TFAP2D: variants seen among roughly 807,000 people sequenced by gnomAD.
TFAP2D encodes transcription factor AP-2 delta.
TFAP2D carries 9 observed loss-of-function variants against 43.6 expected under a neutral mutation model. The ratio of observed to expected loss-of-function variants is 0.21; its 90% CI spans 0.12 to 0.36. The LOEUF (loss-of-function observed/expected upper bound fraction) is 0.36. Ranked by LOEUF, TFAP2D falls within the 10% of genes least tolerant of loss-of-function variation. The pLI, the probability that TFAP2D is intolerant of heterozygous loss-of-function variation, is 1.00. For missense variants in TFAP2D, 513 were observed against 561.4 expected, an observed-to-expected ratio of 0.91 and a Z score of 0.87; for synonymous variants, 256 against 224.9, an observed-to-expected ratio of 1.14 and a Z score of -1.24.
intron 7 of TFAP2D, among the ~76,000 whole-genome samples, chr6:50,753,284 T>C (rs1769223559): frequency 1.3e-5 from 2 of 151,962 alleles, no homozygotes. Flanking sequence ...TGCTGAGGCC[T>C]TCATCAGATA....
At chr6:50,760,288 A>G (rs1769345427) in intron 7 of TFAP2D, among the ~76,000 whole-genome samples, 1 of 152,004 alleles carries the variant, frequency 6.6e-6, no homozygotes, top group African/African-American at 2.4e-5. Context: ...GTTAGGCATT[A>G]TTTCTTGGTT....
chr6:50,736,778 A>G lies in TFAP2D; in HGVS notation c.883+7466A>G, dbSNP rs560119596. Among the ~76,000 whole-genome samples, 7 of 152,260 alleles carry G rather than the reference A, an allele frequency of 4.6e-5. No individual in the cohort carries two copies. In the South Asian group the frequency reaches 1.5e-3, roughly 32 times the overall value. Reference sequence around the variant, plus strand: ...TACTCATGGTGACTGTGCCACATAAAGACAAATATAGCCAAACCAATTTGC... The same window carrying G: ...TACTCATGGTGACTGTGCCACATAAGGACAAATATAGCCAAACCAATTTGC... On this transcript the variant is annotated intron_variant, in intron 5 of 7. Coordinates refer to ENST00000008391, the MANE Select transcript of TFAP2D (RefSeq NM_172238.4).
rs1372915571 is a variant in TFAP2D at position 50,715,631 on chromosome 6, G to A, written c.537+18G>A. 2 of 1,574,190 alleles carry A rather than the reference G, an allele frequency of 1.3e-6. No homozygotes were observed. Among genetic ancestry groups the A allele is most frequent in the Middle Eastern group, 1.7e-4 (1 of 5,896 alleles). Reference sequence around the variant, plus strand: ...ACTTGCAGGTAAATAAGCATGCAGCGAATTTGTCTGCTCCCTCCCCTCTTC... The same window carrying A: ...ACTTGCAGGTAAATAAGCATGCAGCAAATTTGTCTGCTCCCTCCCCTCTTC... On this transcript the variant is annotated intron_variant, in intron 2 of 7. Coordinates refer to ENST00000008391, the MANE Select transcript of TFAP2D (RefSeq NM_172238.4).
intron 3 of TFAP2D, among the ~76,000 whole-genome samples, chr6:50,720,413 A>G (rs1481814991): frequency 6.6e-6 from 1 of 151,214 alleles, no homozygotes; most frequent in Admixed American, 6.6e-5. Flanking sequence ...TTATTGTTTT[A>G]GTGGATGCTG....
At chr6:50,719,485 G>GAA (rs767978494) in intron 3 of TFAP2D, among the ~76,000 whole-genome samples, 1 of 138,078 alleles carries the variant, frequency 7.2e-6, no homozygotes, top group East Asian at 2.6e-4. Flanking sequence ...AAGAAAGAAA[G>GAA]AAAGAAAGAA....
Position 50,734,287 on chromosome 6 carries a change from C to T in TFAP2D, c.883+4975C>T, listed in dbSNP as rs537559066. 2.6e-5 allele frequency among the ~76,000 whole-genome samples: 4 copies of T among 152,108 alleles called. No homozygotes were observed. The South Asian group carries it at 8.3e-4, about 32-fold the overall frequency. On this transcript the variant is annotated intron_variant, in intron 5 of 7. Transcript: ENST00000008391. ...CCACCTCTTACCCTCAGAATAATAT[C>T]ATTTTTGAAGTAGGGCCTGACTTTG...
At chr6:50,750,394 G>T (rs989640430) in intron 6 of TFAP2D, among the ~76,000 whole-genome samples, 1 of 151,810 alleles carries the variant, frequency 6.6e-6, no homozygotes, top group Non-Finnish European at 1.5e-5. Context: ...CAATTCTTTG[G>T]CAATCCTTTA....
At position 50,736,364 on chromosome 6, in the gene TFAP2D, C is replaced by T. The variant is rs546213699; in HGVS notation, c.883+7052C>T. ...GAGACAGTTTTGCATAGTTTTTAGACTATTAGGTTTCGTATCATTCATAAA... is the reference window on the plus strand; with the variant it reads ...GAGACAGTTTTGCATAGTTTTTAGATTATTAGGTTTCGTATCATTCATAAA... On this transcript the variant is annotated intron_variant, in intron 5 of 7. Transcript: ENST00000008391. Among the ~76,000 whole-genome samples, 34 of 152,158 alleles carry T rather than the reference C, an allele frequency of 2.2e-4. 1 individual carries two copies. In the South Asian group the frequency reaches 6.2e-3, roughly 28 times the overall value.
At position 50,762,075 on chromosome 6, in the gene TFAP2D, T is replaced by A. The variant is rs542493573; in HGVS notation, c.1140-10570T>A. On this transcript the variant is annotated intron_variant, in intron 7 of 7. Coordinates refer to ENST00000008391, the MANE Select transcript of TFAP2D (RefSeq NM_172238.4). ...AAATGGATTGTTGCTACCACCTTAT[T>A]AGTAAAACCACACAGGGAAAAAGAA... Among the ~76,000 whole-genome samples the A allele has an allele frequency of 5.9e-5, 9 of 152,158 alleles. No homozygotes were observed. In the South Asian group the frequency reaches 1.9e-3, roughly 32 times the overall value.
At position 50,713,534 on chromosome 6, in the gene TFAP2D, C is replaced by T. The variant is rs1000254873; in HGVS notation, c.-522C>T. The stretch of plus-strand genomic sequence containing the variant: ...TAATATACATATATTGGAGCTAGAG[C>T]TCTAGCTTCACAATAAAATGTGTGC... On this transcript the variant is annotated 5_prime_UTR_variant, in exon 1 of 8. Coordinates refer to ENST00000008391, the MANE Select transcript of TFAP2D (RefSeq NM_172238.4). 6.6e-6 allele frequency among the ~76,000 whole-genome samples: 1 copy of T among 152,130 alleles called. No homozygotes were observed. The highest frequency in any genetic ancestry group is 1.5e-5 in the Non-Finnish European group (1 of 68,024).
rs1163447915 is a variant in TFAP2D at position 50,714,066 on chromosome 6, C to T, written c.11C>T (p.Thr4Ile). ...TCGGAGAAACCCAACATGTCAACTACCTTTCCGGGACTAGTCCACGATGCC... is the reference window on the plus strand; with the variant it reads ...TCGGAGAAACCCAACATGTCAACTATCTTTCCGGGACTAGTCCACGATGCC... MST[T>I]FPGLVHDAEI... The change falls in exon 1 of 8, where the codon ACC becomes ATC. Residue 4 changes from threonine (T) to isoleucine (I), a missense_variant. Thr to Ile is a moderately conservative substitution (Grantham distance 89). Coordinates refer to ENST00000008391, the MANE Select transcript of TFAP2D (RefSeq NM_172238.4). 1 of 1,611,168 alleles carries T rather than the reference C, an allele frequency of 6.2e-7. No individual in the cohort carries two copies. Among genetic ancestry groups the T allele is most frequent in the African/African-American group, 1.3e-5 (1 of 74,206 alleles).
intron 5 of TFAP2D, among the ~76,000 whole-genome samples, chr6:50,742,611 TAGATAGATAGATAGATAGATGATA>T (rs945836717): frequency 6.6e-6 from 1 of 151,364 alleles, no homozygotes; most frequent in Non-Finnish European, 1.5e-5. Flanking sequence ...GATAGATAGA[TAGATAGATAGATAGATAGATGATA>T]GATAGATAGA....
Position 50,713,759 on chromosome 6 carries a change from A to C in TFAP2D, c.-297A>C, listed in dbSNP as rs1768566936. On this transcript the variant is annotated 5_prime_UTR_variant, in exon 1 of 8. Coordinates refer to ENST00000008391, the MANE Select transcript of TFAP2D (RefSeq NM_172238.4). Reference sequence around the variant, plus strand: ...CTCAGTGCTGATGCTTAATTTTCAAAACTTCTATATTACCAAGGGACCTAC... The same window carrying C: ...CTCAGTGCTGATGCTTAATTTTCAACACTTCTATATTACCAAGGGACCTAC... The C allele has an allele frequency of 2.1e-6, 1 of 479,624 alleles. No homozygotes were observed. The highest frequency in any genetic ancestry group is 2.0e-5 in the African/African-American group (1 of 49,328). The allele number at this position is 479,624 out of a possible 1,614,324, so 29.7% of individuals were successfully genotyped here. A position where few individuals can be genotyped will look rare whatever the true frequency, so the allele number is the denominator to read the frequency against.
At chr6:50,761,334 T>G (rs766763410) in intron 7 of TFAP2D, among the ~76,000 whole-genome samples, 9 of 151,966 alleles carry the variant, frequency 5.9e-5, no homozygotes, top group African/African-American at 2.2e-4. Flanking sequence ...TAAATGATGA[T>G]GGCAGGCTAT....
At chr6:50,739,519 AT>A (rs2114045996) in intron 5 of TFAP2D, among the ~76,000 whole-genome samples, 1 of 152,186 alleles carries the variant, frequency 6.6e-6, no homozygotes, top group South Asian at 2.1e-4. Context: ...GGTGAAAAAC[AT>A]TTTTTAAAGC....
chr6:50,714,209 C>A, intron 1 of TFAP2D, 115 bp downstream of exon 1: 1 of 1,099,042 alleles, frequency 9.1e-7, no homozygotes, highest in Non-Finnish European at 1.3e-6. Context: ...CTATATTGGA[C>A]CGTTACGTTT....
intron 5 of TFAP2D, 36 bp downstream of exon 5, chr6:50,729,348 G>A (rs778860184): frequency 5.8e-6 from 9 of 1,561,428 alleles, no homozygotes; most frequent in Middle Eastern, 1.7e-4. Flanking sequence ...AATGCTGGAA[G>A]GTTGGCGTGT....
At chr6:50,756,753 G>C (rs1225353398) in intron 7 of TFAP2D, among the ~76,000 whole-genome samples, 1 of 151,966 alleles carries the variant, frequency 6.6e-6, no homozygotes, top group Non-Finnish European at 1.5e-5. Flanking sequence ...AAACGAGAAG[G>C]GGGAAAAGAT....
chr6:50,745,202 G>C lies in TFAP2D; in HGVS notation c.979G>C (p.Glu327Gln). 3 of 1,613,614 alleles carry C rather than the reference G, an allele frequency of 1.9e-6. No homozygotes were observed. Among genetic ancestry groups the C allele is most frequent in the Non-Finnish European group, 2.5e-6 (3 of 1,179,752 alleles). Reference protein sequence around the residue: ...VGEHLARQHMEQKEQTARKKM... With the variant: ...VGEHLARQHMQQKEQTARKKM... ...AGAACATCTTGCCAGACAACATATGGAACAGAAAGAACAGACAGCAAGAAA... is the reference window on the plus strand; with the variant it reads ...AGAACATCTTGCCAGACAACATATGCAACAGAAAGAACAGACAGCAAGAAA... The change falls in exon 6 of 8, where the codon GAA (glutamate) becomes CAA (glutamine). Residue 327 changes from glutamate (E) to glutamine (Q), a missense_variant. This residue lies in a region of TFAP2D where 199 missense variants were observed against 227.9 expected (regional missense o/e 0.87). Transcript: ENST00000008391.
Sources: allele counts gnomAD v4.1 joint callset (sites outside exome capture counted in the v4.1 genomes callset), GRCh38; gene constraint gnomAD v4.1.1; regional missense constraint gnomAD v4.1.1; transcripts MANE v1.5; gene names NCBI Gene and HGNC (gene_info 2026-07-23, HGNC 2026-07-21).